The following SAXO1 variants were observed in gnomAD, a reference collection of about 807,000 sequenced individuals.
SAXO1 encodes 4930500O09Rik.
SAXO1 carries 21 observed loss-of-function variants against 17.5 expected under a neutral mutation model. The observed-to-expected ratio is 1.20, with a 90% confidence interval of 0.85 to 1.72. The LOEUF (loss-of-function observed/expected upper bound fraction) is 1.72. Among genes scored for constraint, SAXO1 ranks in the 40% most tolerant of loss-of-function variants. SAXO1 has a pLI of 0.00. For synonymous variants in SAXO1, 274 were observed against 216.5 expected, an observed-to-expected ratio of 1.27 and a Z score of -2.33; for missense variants, 843 against 596.0, an observed-to-expected ratio of 1.41 and a Z score of -4.32.
chr9:18,992,408 TTC>T (rs1314076720), intron 1 of SAXO1, among the ~76,000 whole-genome samples: 3 of 152,182 alleles, frequency 2.0e-5, no homozygotes, highest in Non-Finnish European at 4.4e-5. Flanking sequence ...TGTCCAAATT[TTC>T]TCTTTTAATA....
chr9:18,976,286 G>C (rs1588467458), intron 1 of SAXO1, among the ~76,000 whole-genome samples: 1 of 152,236 alleles, frequency 6.6e-6, no homozygotes, highest in African/African-American at 2.4e-5. Flanking sequence ...GGCTGAAAAA[G>C]GTTGTCTTTT....
intron 1 of SAXO1, among the ~76,000 whole-genome samples, chr9:19,006,378 A>G (rs1038490916): frequency 3.3e-5 from 5 of 152,378 alleles, no homozygotes; most frequent in African/African-American, 1.2e-4. Context: ...ATGTCCATCA[A>G]CAGATAAATG....
intron 1 of SAXO1, among the ~76,000 whole-genome samples, chr9:18,967,874 G>A (rs1261789213): frequency 6.6e-6 from 1 of 152,160 alleles, no homozygotes; most frequent in Non-Finnish European, 1.5e-5. Flanking sequence ...AGCCCTGGTG[G>A]TATAGGCACA....
intron 1 of SAXO1, among the ~76,000 whole-genome samples, chr9:18,986,364 T>C (rs952227924): frequency 2.6e-5 from 4 of 152,256 alleles, no homozygotes; most frequent in Non-Finnish European, 2.9e-5. Context: ...ATTGAGGTCC[T>C]ATTTGAGTAA....
chr9:19,037,569 G>A (rs1247264150), upstream of SAXO1, among the ~76,000 whole-genome samples: 1 of 152,080 alleles, frequency 6.6e-6, no homozygotes, highest in Non-Finnish European at 1.5e-5. Flanking sequence ...TTCTCTTGCT[G>A]CTGCCATGTA....
At position 18,963,829 on chromosome 9, in the gene SAXO1, T is replaced by C. The variant is rs898434286; in HGVS notation, c.39-12892A>G. Among the ~76,000 whole-genome samples the C allele has an allele frequency of 2.0e-5, 3 of 152,350 alleles. No individual in the cohort carries two copies. In the East Asian group the frequency reaches 5.8e-4, roughly 29 times the overall value. Reference sequence around the variant, plus strand: ...CCTGGCCAGAATTTCCAATACTGTGTTGAATAGGAGTGGTGAGAGAGGGCA... The same window carrying C: ...CCTGGCCAGAATTTCCAATACTGTGCTGAATAGGAGTGGTGAGAGAGGGCA... On this transcript the variant is annotated intron_variant, in intron 1 of 3. Coordinates refer to ENST00000380534, the MANE Select transcript of SAXO1 (RefSeq NM_153707.4).
intron 1 of SAXO1, among the ~76,000 whole-genome samples, chr9:18,966,209 T>C (rs1475839420): frequency 6.6e-6 from 1 of 152,200 alleles, no homozygotes; most frequent in African/African-American, 2.4e-5. Context: ...ATCTGATGAT[T>C]ATGTGTCTTG....
intron 1 of SAXO1, among the ~76,000 whole-genome samples, chr9:19,024,453 G>A (rs562933589): frequency 8.6e-5 from 13 of 151,470 alleles, no homozygotes; most frequent in Non-Finnish European, 1.6e-4. Flanking sequence ...GGGGTGGGGC[G>A]AGGGGGGGAG....
chr9:18,928,939 T>C lies in SAXO1; in HGVS notation c.538A>G (p.Lys180Glu). The C allele has an allele frequency of 6.2e-7, 1 of 1,614,188 alleles. No individual in the cohort carries two copies. The highest frequency in any genetic ancestry group is 1.1e-5 in the South Asian group (1 of 91,074). Residue 180 changes from lysine to glutamate, a missense_variant, in exon 4 of 4, where the codon AAA (lysine) becomes GAA (glutamate). Transcript: ENST00000380534. ...RTTHQDDYPI[K>E]GLVKTISCKP... Reference sequence around the variant, plus strand: ...CAGCTTATGGTCTTCACAAGGCCTTTTATGGGGTAATCGTCCTGGTGTGTG... The same window carrying C: ...CAGCTTATGGTCTTCACAAGGCCTTCTATGGGGTAATCGTCCTGGTGTGTG...
At chr9:19,014,779 G>T (rs765491902) in intron 1 of SAXO1, among the ~76,000 whole-genome samples, 45 of 152,150 alleles carry the variant, frequency 3.0e-4, no homozygotes, top group Admixed American at 3.9e-4. Context: ...GGGAACAACT[G>T]AATGTTGGAC....
At chr9:19,027,765 T>C in intron 1 of SAXO1, 1 of 1,504,982 alleles carries the variant, frequency 6.6e-7, no homozygotes, top group Non-Finnish European at 9.1e-7. Context: ...AGGACGATGC[T>C]GGAGCTTCTG....
chr9:19,027,122 C>T, intron 1 of SAXO1: 1 of 1,013,234 alleles, frequency 9.9e-7, no homozygotes. Context: ...TCTCCAACAT[C>T]ATCGAGCTCC....
chr9:18,951,069 C>A (rs78353825), intron 1 of SAXO1, 132 bp from the exon 2 acceptor site: 3 of 932,822 alleles, frequency 3.2e-6, no homozygotes, highest in Non-Finnish European at 3.2e-6. Flanking sequence ...CAGAATTCAA[C>A]GGTTACTTTT....
intron 3 of SAXO1, among the ~76,000 whole-genome samples, chr9:18,933,526 A>T (rs546994842): frequency 6.6e-6 from 1 of 151,268 alleles, no homozygotes; most frequent in Admixed American, 6.6e-5. Context: ...GCCATCTGGT[A>T]TCATTCCCTT....
Position 18,952,197 on chromosome 9 carries a change from G to C in SAXO1, c.39-1260C>G, listed in dbSNP as rs75473382. Among the ~76,000 whole-genome samples the C allele has an allele frequency of 8.7e-3, 1,318 of 152,268 alleles. 17 individuals carry two copies. Among genetic ancestry groups the C allele is most frequent in the African/African-American group, 0.03 (1,237 of 41,544 alleles). ...CCAGCTGGGGTCCCTCTCATCATCA[G>C]GCACCAGCACATCAGCAAAAACTCC... On this transcript the variant is annotated intron_variant, in intron 1 of 3. Transcript: ENST00000380534.
intron 1 of SAXO1, among the ~76,000 whole-genome samples, chr9:18,996,489 A>G (rs927192482): frequency 1.1e-4 from 16 of 152,252 alleles, no homozygotes; most frequent in Non-Finnish European, 1.9e-4. Context: ...TATGTATCTA[A>G]GCATACAAAA....
At chr9:18,956,806 AC>A (rs1252584622) in intron 1 of SAXO1, among the ~76,000 whole-genome samples, 2 of 152,212 alleles carry the variant, frequency 1.3e-5, no homozygotes, top group African/African-American at 4.8e-5. Flanking sequence ...TACGCACAAC[AC>A]GGGCTAAGTG....
At chr9:18,980,799 A>AAAAG (rs58333672) in intron 1 of SAXO1, among the ~76,000 whole-genome samples, 4 of 149,408 alleles carry the variant, frequency 2.7e-5, no homozygotes, top group African/African-American at 9.9e-5. Context: ...AAAAAAAAAA[A>AAAAG]GCCTGGAAAG....
At chr9:18,975,962 C>CT in intron 1 of SAXO1, among the ~76,000 whole-genome samples, 1 of 152,262 alleles carries the variant, frequency 6.6e-6, no homozygotes. Flanking sequence ...TACAGCAGTA[C>CT]TTTAGCACCT....
Sources: allele counts gnomAD v4.1 joint callset (sites outside exome capture counted in the v4.1 genomes callset), GRCh38; gene constraint gnomAD v4.1.1; transcripts MANE v1.5; gene names NCBI Gene and HGNC (gene_info 2026-07-23, HGNC 2026-07-21).